THRB: variants seen among roughly 807,000 people sequenced by gnomAD.
THRB encodes nuclear receptor subfamily 1 group A member 2.
In THRB, 12 loss-of-function variants were observed where a neutral mutation model predicts 47.8. The ratio of observed to expected loss-of-function variants is 0.25; its 90% confidence interval spans 0.16 to 0.41. The LOEUF is 0.41. Among genes scored for constraint, THRB ranks in the 10% least tolerant of loss-of-function variants. THRB has a pLI of 1.00. For missense variants in THRB, 348 were observed against 589.2 expected (o/e 0.59, Z 4.24); for synonymous variants, 218 against 212.2 (o/e 1.03, Z -0.24).
intron 5 of THRB, among the ~76,000 whole-genome samples, chr3:24,180,876 A>G (rs893409474): frequency 6.6e-6 from 1 of 152,216 alleles, no homozygotes; most frequent in East Asian, 1.9e-4. Flanking sequence ...AGGTCGCTGC[A>G]TCTCCAGGAG....
At chr3:24,436,345 T>G (rs1458530294) in intron 1 of THRB, among the ~76,000 whole-genome samples, 4 of 151,938 alleles carry the variant, frequency 2.6e-5, no homozygotes, top group Non-Finnish European at 5.9e-5. Flanking sequence ...TTCCTCATAG[T>G]CTCAGAAAAG....
intron 4 of THRB, among the ~76,000 whole-genome samples, chr3:24,194,421 T>C (rs1282835794): frequency 6.6e-6 from 1 of 152,358 alleles, no homozygotes; most frequent in East Asian, 1.9e-4. Flanking sequence ...AACCGTTTAC[T>C]CTTTAATGAA....
At chr3:24,286,818 C>T (rs1028263394) in intron 3 of THRB, among the ~76,000 whole-genome samples, 2 of 152,122 alleles carry the variant, frequency 1.3e-5, no homozygotes, top group Non-Finnish European at 2.9e-5. Flanking sequence ...CTCTGAGGAG[C>T]AAGCATGTGG....
At chr3:24,343,245 T>C (rs1423722307) in intron 1 of THRB, among the ~76,000 whole-genome samples, 1 of 152,160 alleles carries the variant, frequency 6.6e-6, no homozygotes, top group African/African-American at 2.4e-5. Context: ...AGATGGTGCA[T>C]AGCTGTTGCA....
chr3:24,409,872 T>C (rs975337885), intron 1 of THRB, among the ~76,000 whole-genome samples: 4 of 151,866 alleles, frequency 2.6e-5, no homozygotes, highest in African/African-American at 9.7e-5. Flanking sequence ...TGGAAATATC[T>C]GTAGACATTC....
At chr3:24,420,207 G>A (rs1375614076) in intron 1 of THRB, among the ~76,000 whole-genome samples, 2 of 151,792 alleles carry the variant, frequency 1.3e-5, no homozygotes, top group Non-Finnish European at 2.9e-5. Flanking sequence ...AGCAATATTT[G>A]TGAGGTCCAG....
rs555982037 is a variant in THRB, at chr3:24,250,015, C to T, written c.-42-21014G>A. ...CACCAACCTAGTACCAGAGTATCTA[C>T]CAAAGGTGAGGGCAAAGCACTGTGT... On this transcript the variant is annotated intron_variant, in intron 3 of 10. Transcript: ENST00000646209. Among the ~76,000 whole-genome samples, 8 of 152,270 alleles carry T rather than the reference C, an allele frequency of 5.3e-5. No homozygotes were observed. The South Asian group carries it at 6.2e-4, about 12-fold the overall frequency.
At chr3:24,327,155 C>A (rs1468409661) in intron 2 of THRB, among the ~76,000 whole-genome samples, 1 of 152,172 alleles carries the variant, frequency 6.6e-6, no homozygotes, top group East Asian at 1.9e-4. Context: ...TGAACAATTA[C>A]AAAAACTTGT....
rs184080874 is a variant in THRB, at chr3:24,487,812, G to T, written c.-261+6840C>A. Among the ~76,000 whole-genome samples the T allele has an allele frequency of 3.3e-5, 5 of 152,300 alleles. No homozygotes were observed. The East Asian group carries it at 9.6e-4, about 29-fold the overall frequency. ...GTTGTTAAGACATTTATGACTATAA[G>T]ACAGAAATGTGCAAAAAGATGACCA... On this transcript the variant is annotated intron_variant, in intron 1 of 10. Coordinates refer to ENST00000646209, the MANE Select transcript of THRB (RefSeq NM_001354712.2).
intron 3 of THRB, among the ~76,000 whole-genome samples, chr3:24,237,213 G>C (rs889430707): frequency 6.6e-6 from 1 of 152,174 alleles, no homozygotes; most frequent in Non-Finnish European, 1.5e-5. Flanking sequence ...TCTCCACTGG[G>C]TATGGCAGGA....
intron 1 of THRB, among the ~76,000 whole-genome samples, chr3:24,466,712 G>C (rs562108501): frequency 3.9e-5 from 6 of 152,210 alleles, no homozygotes; most frequent in Admixed American, 2.0e-4. Context: ...GTGTGCAATA[G>C]AATTATGTCT....
intron 5 of THRB, among the ~76,000 whole-genome samples, chr3:24,169,249 TAGA>T (rs909486526): frequency 2.6e-5 from 4 of 152,152 alleles, no homozygotes; most frequent in African/African-American, 7.2e-5. Context: ...CGAGATGTAA[TAGA>T]AGAAGTGTTG....
chr3:24,363,209 A>C (rs1383377259), intron 1 of THRB, among the ~76,000 whole-genome samples: 1 of 152,154 alleles, frequency 6.6e-6, no homozygotes, highest in African/African-American at 2.4e-5. Flanking sequence ...TAGATCTTAA[A>C]TCGCCTAAGA....
chr3:24,162,369 T>C (rs539941980), intron 5 of THRB, among the ~76,000 whole-genome samples: 97 of 152,266 alleles, frequency 6.4e-4, no homozygotes, highest in Middle Eastern at 3.4e-3. Context: ...CGTGAGGACT[T>C]AGCATAGCAT....
intron 5 of THRB, among the ~76,000 whole-genome samples, chr3:24,172,900 C>A (rs1476565696): frequency 6.6e-6 from 1 of 152,068 alleles, no homozygotes; most frequent in Non-Finnish European, 1.5e-5. Flanking sequence ...CACATTAATG[C>A]AAAAGATACC....
intron 3 of THRB, among the ~76,000 whole-genome samples, chr3:24,297,006 A>G (rs546073134): frequency 1.3e-5 from 2 of 152,264 alleles, no homozygotes; most frequent in South Asian, 4.1e-4. Flanking sequence ...AGTACTTCTA[A>G]CCCCATTTAA....
intron 5 of THRB, among the ~76,000 whole-genome samples, chr3:24,182,810 C>A (rs142536280): frequency 2.0e-5 from 3 of 152,210 alleles, no homozygotes; most frequent in Admixed American, 6.5e-5. Flanking sequence ...TAAGTAGATA[C>A]GTGCTGACCT....
intron 3 of THRB, among the ~76,000 whole-genome samples, chr3:24,276,844 G>A (rs894341559): frequency 3.3e-5 from 5 of 152,188 alleles, no homozygotes; most frequent in Non-Finnish European, 5.9e-5. Context: ...ATACGATGTT[G>A]GAGCAAAGTG....
chr3:24,164,827 TGAA>T (rs2039416162), intron 5 of THRB, among the ~76,000 whole-genome samples: 1 of 152,080 alleles, frequency 6.6e-6, no homozygotes, highest in East Asian at 1.9e-4. Flanking sequence ...CTTTCAAAGA[TGAA>T]GAAAAAAAGT....
Sources: allele counts gnomAD v4.1 joint callset (sites outside exome capture counted in the v4.1 genomes callset), GRCh38; gene constraint gnomAD v4.1.1; transcripts MANE v1.5; gene names NCBI Gene and HGNC (gene_info 2026-07-23, HGNC 2026-07-21).